DIAPH3: variants seen among roughly 807,000 people sequenced by gnomAD.
DIAPH3 encodes diaphanous related formin 3, also known as protein diaphanous homolog 3.
Under a neutral mutation model 144.3 loss-of-function variants are expected in DIAPH3, and 117 were observed. That is an observed-to-expected ratio of 0.81 (90% CI 0.70 to 0.95). The LOEUF (loss-of-function observed/expected upper bound fraction) is 0.95, where lower values mean the gene tolerates loss of function less well. Among genes scored for constraint, DIAPH3 ranks in the 40% least tolerant of loss-of-function variants. The pLI is 0.00. For missense variants in DIAPH3, 1,421 were observed against 1,412.7 expected, an observed-to-expected ratio of 1.01 and a Z score of -0.09; for synonymous variants, 519 against 488.9, an observed-to-expected ratio of 1.06 and a Z score of -0.81.
intron 5 of DIAPH3, chr13:60,020,930 T>G (rs1034009787): frequency 6.6e-6 from 1 of 152,230 alleles, no homozygotes; most frequent in African/African-American, 2.4e-5. Context: ...GGAGGGCATA[T>G]GCACAAAGAC....
chr13:60,069,059 T>C (rs1375783540), intron 4 of DIAPH3, among the ~76,000 whole-genome samples: 2 of 152,160 alleles, frequency 1.3e-5, no homozygotes, highest in African/African-American at 4.8e-5. Context: ...GGAAACACCA[T>C]ACTGTTTTCA....
At chr13:60,092,899 C>T (rs1340089491) in intron 4 of DIAPH3, among the ~76,000 whole-genome samples, 2 of 152,174 alleles carry the variant, frequency 1.3e-5, no homozygotes, top group African/African-American at 4.8e-5. Flanking sequence ...TGTTAAGCTA[C>T]TTTTTCCTAA....
chr13:59,872,414 T>C (rs1414566959), intron 21 of DIAPH3, among the ~76,000 whole-genome samples: 2 of 152,162 alleles, frequency 1.3e-5, no homozygotes, highest in Non-Finnish European at 2.9e-5. Flanking sequence ...CAGGTGATAT[T>C]TTTCAGTTTG....
intron 27 of DIAPH3, among the ~76,000 whole-genome samples, chr13:59,756,406 TAAAAAGGAAGGA>T (rs1377556036): frequency 1.8e-5 from 2 of 110,888 alleles, no homozygotes; most frequent in Non-Finnish European, 3.7e-5. Context: ...GTAAATTTAG[TAAAAAGGAAGGA>T]AGGAAGGAAG....
chr13:59,715,836 T>G (rs917460008), intron 27 of DIAPH3, among the ~76,000 whole-genome samples: 2 of 152,208 alleles, frequency 1.3e-5, no homozygotes, highest in East Asian at 1.9e-4. Context: ...ATTGTGAGAT[T>G]ACGTAAGTGA....
intron 17 of DIAPH3, among the ~76,000 whole-genome samples, chr13:59,929,550 TG>T (rs1566531788): frequency 7.5e-5 from 11 of 147,332 alleles, no homozygotes; most frequent in African/African-American, 2.5e-4. Flanking sequence ...ATCTAAATTT[TG>T]TTCTTTTTTT....
At chr13:59,699,005 T>C (rs1251434760) in intron 27 of DIAPH3, among the ~76,000 whole-genome samples, 2 of 152,256 alleles carry the variant, frequency 1.3e-5, no homozygotes, top group African/African-American at 2.4e-5. Context: ...ATTCAACAGA[T>C]ACTGAACTTC....
chr13:60,078,953 C>T (rs2057459690), intron 4 of DIAPH3, among the ~76,000 whole-genome samples: 1 of 151,828 alleles, frequency 6.6e-6, no homozygotes, highest in Non-Finnish European at 1.5e-5. Flanking sequence ...ATTAGAAAAG[C>T]AGGGCTAAGA....
At chr13:60,147,337 A>G (rs891508028) in intron 1 of DIAPH3, 1 of 152,014 alleles carries the variant, frequency 6.6e-6, no homozygotes, top group Admixed American at 6.6e-5. Flanking sequence ...GGGACAAAAC[A>G]AAAAAAAGGT....
intron 4 of DIAPH3, among the ~76,000 whole-genome samples, chr13:60,052,330 G>T (rs2056381787): frequency 6.6e-6 from 1 of 152,148 alleles, no homozygotes; most frequent in African/African-American, 2.4e-5. Context: ...ATCATATTTA[G>T]AAGTGGTATT....
chr13:59,778,533 G>T (rs927007653), intron 25 of DIAPH3, among the ~76,000 whole-genome samples: 1 of 152,238 alleles, frequency 6.6e-6, no homozygotes, highest in Non-Finnish European at 1.5e-5. Flanking sequence ...TGAGAATAAA[G>T]CTCATAGATG....
intron 27 of DIAPH3, among the ~76,000 whole-genome samples, chr13:59,710,008 C>G (rs151109957): frequency 0.029 from 4,395 of 151,844 alleles, 211 homozygotes; most frequent in African/African-American, 0.1. Context: ...AAAAACGAAA[C>G]ACTGCATATT....
Position 59,915,134 on chromosome 13 carries a change from G to T in DIAPH3, c.2265+1021C>A, listed in dbSNP as rs117533849. On this transcript the variant is annotated intron_variant, in intron 19 of 27. Transcript: ENST00000400324. ...ATTAAGTAGAAAAATTTTATTTAAG[G>T]AAGTTGGCATCTATTCCTAGCAAGA... Among the ~76,000 whole-genome samples, 172 of 152,012 alleles carry T rather than the reference G, an allele frequency of 1.1e-3. 6 individuals are homozygous for T. The East Asian group carries it at 0.033, about 29-fold the overall frequency.
chr13:60,111,592 T>G (rs2058568655), intron 3 of DIAPH3, among the ~76,000 whole-genome samples: 1 of 152,162 alleles, frequency 6.6e-6, no homozygotes, highest in East Asian at 1.9e-4. Flanking sequence ...CTGTGCACGC[T>G]TCTTATGAGC....
chr13:60,124,778 G>A (rs1310083477), intron 2 of DIAPH3, among the ~76,000 whole-genome samples: 1 of 151,964 alleles, frequency 6.6e-6, no homozygotes, highest in Admixed American at 6.5e-5. Flanking sequence ...GGAGGTTGGG[G>A]CTACAGTGAG....
At chr13:59,717,196 G>A (rs181771105) in intron 27 of DIAPH3, among the ~76,000 whole-genome samples, 31 of 152,290 alleles carry the variant, frequency 2.0e-4, no homozygotes, top group Admixed American at 6.5e-4. Flanking sequence ...CCGAGTTTGG[G>A]AAGGAATTAA....
At chr13:59,692,343 C>A (rs547728094) in intron 27 of DIAPH3, among the ~76,000 whole-genome samples, 16 of 151,758 alleles carry the variant, frequency 1.1e-4, no homozygotes, top group South Asian at 1.0e-3. Flanking sequence ...TCATTTAAAT[C>A]ATTTCTAGTT....
At chr13:59,892,082 A>G (rs549048389) in intron 20 of DIAPH3, among the ~76,000 whole-genome samples, 1 of 152,144 alleles carries the variant, frequency 6.6e-6, no homozygotes, top group South Asian at 2.1e-4. Context: ...ATAAGTAAGC[A>G]GAGGGAGAAG....
chr13:59,824,612 GAT>G (rs1271130573), intron 24 of DIAPH3, among the ~76,000 whole-genome samples: 1 of 152,094 alleles, frequency 6.6e-6, no homozygotes, highest in African/African-American at 2.4e-5. Context: ...TAAGATGGGA[GAT>G]ATATATAGGA....
Sources: gnomAD v4.1 joint callset for allele counts (sites outside exome capture counted in the v4.1 genomes callset) on GRCh38, gnomAD v4.1.1 for gene constraint, MANE v1.5 for transcripts, NCBI Gene and HGNC (gene_info 2026-07-23, HGNC 2026-07-21) for gene names.